LYRM1: variants seen among roughly 807,000 people sequenced by gnomAD.
LYRM1 encodes the protein LYR motif containing 1.
In LYRM1, 14 loss-of-function variants were observed where a neutral mutation model predicts 14.9. The observed-to-expected ratio is 0.94, with a 90% CI of 0.62 to 1.47. The LOEUF (loss-of-function observed/expected upper bound fraction) is 1.47, where lower values mean the gene tolerates loss of function less well. LYRM1 is among the 40% of genes most tolerant of loss of function. The probability of loss-of-function intolerance (pLI) is 0.00; values close to 1 mark genes in which losing one functional copy is unlikely to be tolerated. For missense variants in LYRM1, 153 were observed against 149.9 expected, an observed-to-expected ratio of 1.02 and a Z score of -0.11; for synonymous variants, 43 against 56.2, an observed-to-expected ratio of 0.77 and a Z score of 1.05.
chr16:20,903,611 G>A (rs2082171276), intron 1 of LYRM1, among the ~76,000 whole-genome samples: 3 of 152,174 alleles, frequency 2.0e-5, no homozygotes, highest in Admixed American at 2.0e-4. Context: ...GAACTCGAGG[G>A]TACTATGTAG....
intron 2 of LYRM1, among the ~76,000 whole-genome samples, chr16:20,916,044 G>A (rs973928555): frequency 1.4e-4 from 21 of 149,796 alleles, no homozygotes; most frequent in African/African-American, 4.4e-4. Flanking sequence ...CACTCCCATA[G>A]GAGGTGTGCA....
At chr16:20,903,633 T>C (rs942986881) in intron 1 of LYRM1, among the ~76,000 whole-genome samples, 1 of 152,160 alleles carries the variant, frequency 6.6e-6, no homozygotes, top group Non-Finnish European at 1.5e-5. Flanking sequence ...CTAGTCATTC[T>C]CCGCATGTGA....
intron 3 of LYRM1, 24 bp downstream of exon 3, chr16:20,920,238 G>A: frequency 6.5e-7 from 1 of 1,529,624 alleles, no homozygotes; most frequent in Non-Finnish European, 9.1e-7. Flanking sequence ...CGGTTAACAA[G>A]TGCTGGGTAC....
chr16:20,905,859 TC>T (rs1271120240), intron 1 of LYRM1, among the ~76,000 whole-genome samples: 3 of 152,188 alleles, frequency 2.0e-5, no homozygotes, highest in African/African-American at 7.2e-5. Context: ...CTTGAAAGCA[TC>T]CTAGTAAGGG....
In LYRM1 at chr16:20,921,121, C is replaced by T. The variant is rs151102062; in HGVS notation, c.252+907C>T. On this transcript the variant is annotated intron_variant, in intron 3 of 3. Coordinates refer to ENST00000567954, the MANE Select transcript of LYRM1 (RefSeq NM_001128302.3). The stretch of plus-strand genomic sequence containing the variant: ...TATTTATTTGTGGAGACTGAGTCTT[C>T]GCTTCATCACCCAAGCTAGGTACAG... Among the ~76,000 whole-genome samples, 1,407 of 152,030 alleles carry T rather than the reference C, an allele frequency of 9.3e-3. 10 individuals are homozygous for T. The highest frequency in any genetic ancestry group is 0.015 in the Non-Finnish European group (998 of 68,006).
upstream of LYRM1, chr16:20,900,055 C>G (rs570854553): frequency 6.6e-6 from 1 of 152,292 alleles, no homozygotes; most frequent in Non-Finnish European, 1.5e-5. Flanking sequence ...CCCTCACAGC[C>G]TCTTCTTTCA....
At position 20,920,110 on chromosome 16, in the gene LYRM1, C is replaced by T. The variant is rs1242428167; in HGVS notation, c.160-12C>T. 1.9e-6 allele frequency: 3 copies of T among 1,589,184 alleles called. No homozygotes were observed. Among genetic ancestry groups the T allele is most frequent in the Non-Finnish European group, 2.6e-6 (3 of 1,158,552 alleles). On this transcript the variant is annotated splice_polypyrimidine_tract_variant and intron_variant, in intron 2 of 3. Coordinates refer to ENST00000567954, the MANE Select transcript of LYRM1 (RefSeq NM_001128302.3). ...GATACTATCAGCCTCATTTCTTTCTCCCTTTTAATAGCTCACGGACACAGA... is the reference window on the plus strand; with the variant it reads ...GATACTATCAGCCTCATTTCTTTCTTCCTTTTAATAGCTCACGGACACAGA...
At chr16:20,905,515 A>G (rs1048482078) in intron 1 of LYRM1, among the ~76,000 whole-genome samples, 2 of 152,196 alleles carry the variant, frequency 1.3e-5, no homozygotes, top group African/African-American at 4.8e-5. Context: ...AGAGCATTTC[A>G]ATTCTGTAGA....
chr16:20,920,124 C>G lies in LYRM1; in HGVS notation c.162C>G (p.Leu54=), dbSNP rs979224784. 6 of 1,608,062 alleles carry G rather than the reference C, an allele frequency of 3.7e-6. No homozygotes were observed. Among genetic ancestry groups the G allele is most frequent in the Non-Finnish European group, 5.1e-6 (6 of 1,174,936 alleles). ...CATTTCTTTCTCCCTTTTAATAGCT[C>G]ACGGACACAGACCTAATTAAACAGT... ...ARTLFRKNKN[L]TDTDLIKQCI... The change falls in exon 3 of 4, where the codon CTC becomes CTG. Residue 54 remains leucine (L), a splice_region_variant and synonymous_variant. Transcript: ENST00000567954.
At position 20,920,355 on chromosome 16, in the gene LYRM1, T is replaced by C. The variant is rs532459510; in HGVS notation, c.252+141T>C. 326 of 701,360 alleles carry C rather than the reference T, an allele frequency of 4.6e-4. 2 individuals carry two copies. In the African/African-American group the frequency reaches 5.1e-3, roughly 11 times the overall value. 43.4% of individuals were successfully genotyped at this position (701,360 alleles called of 1,614,324 possible). A position where few individuals can be genotyped will look rare whatever the true frequency, so the allele number is the denominator to read the frequency against. On this transcript the variant is annotated intron_variant, in intron 3 of 3. Transcript: ENST00000567954. ...AGGCATGTTGGAAATAAGCTATCAT[T>C]GCATGCTGCCAGCCCATCACAACAA...
chr16:20,923,794 C>G (rs1170646205), intron 3 of LYRM1, among the ~76,000 whole-genome samples: 1 of 152,122 alleles, frequency 6.6e-6, no homozygotes, highest in Non-Finnish European at 1.5e-5. Flanking sequence ...TTTTTAACTT[C>G]TCTGAGGTTT....
chr16:20,920,255 T>G, intron 3 of LYRM1, 41 bp downstream of exon 3: 1 of 1,384,838 alleles, frequency 7.2e-7, no homozygotes, highest in Non-Finnish European at 1.0e-6. Flanking sequence ...GTACTTACCC[T>G]CATCAACCTG....
At chr16:20,906,060 G>A (rs755749171) in intron 1 of LYRM1, among the ~76,000 whole-genome samples, 8 of 152,182 alleles carry the variant, frequency 5.3e-5, no homozygotes, top group Non-Finnish European at 7.4e-5. Flanking sequence ...GTACAAGACA[G>A]TCCCAAATCT....
At chr16:20,917,970 T>C (rs2152550898) in intron 2 of LYRM1, among the ~76,000 whole-genome samples, 1 of 152,080 alleles carries the variant, frequency 6.6e-6, no homozygotes, top group East Asian at 1.9e-4. Context: ...TGAGCAGCTA[T>C]AAATACTTTG....
chr16:20,911,113 T>G (rs986482845), intron 1 of LYRM1: 1 of 152,228 alleles, frequency 6.6e-6, no homozygotes, highest in African/African-American at 2.4e-5. Context: ...TAAGCATTTT[T>G]TTCTGTGCAG....
At chr16:20,912,263 T>G (rs1402021896) in intron 1 of LYRM1, among the ~76,000 whole-genome samples, 1 of 141,546 alleles carries the variant, frequency 7.1e-6, no homozygotes, top group Non-Finnish European at 1.5e-5. Flanking sequence ...TTTGTTGGTA[T>G]TTTTGGGTTT....
In LYRM1 at chr16:20,920,153, TAGATGAATGCACAGCCAGGATTGAA is replaced by T. The variant is rs2083112606; in HGVS notation, c.193_217del (p.Asp65LeufsTer34). On this transcript the variant is annotated frameshift_variant, in exon 3 of 4. Coordinates refer to ENST00000567954, the MANE Select transcript of LYRM1 (RefSeq NM_001128302.3). LOFTEE classifies it high-confidence loss of function. ...GACACAGACCTAATTAAACAGTGTA[TAGATGAATGCACAGCCAGGATTGAA>T]ATTGGACTGCATTACAAGATTCCTT... 1 of 1,613,884 alleles carries T rather than the reference TAGATGAATGCACAGCCAGGATTGAA, an allele frequency of 6.2e-7. No homozygotes were observed. Among genetic ancestry groups the T allele is most frequent in the South Asian group, 1.1e-5 (1 of 91,090 alleles).
intron 1 of LYRM1, among the ~76,000 whole-genome samples, chr16:20,911,879 T>A (rs2082610996): frequency 6.6e-6 from 1 of 152,030 alleles, no homozygotes; most frequent in Non-Finnish European, 1.5e-5. Context: ...ATTATAGGAA[T>A]GAGCCACTGG....
rs115230816 is a variant in LYRM1, at chr16:20,923,855, T to C, written c.253-145T>C. On this transcript the variant is annotated intron_variant, in intron 3 of 3. Coordinates refer to ENST00000567954, the MANE Select transcript of LYRM1 (RefSeq NM_001128302.3). ...ATAATAATCCCTTATGAGGTTGTTG[T>C]AGGATTAACTTGTGTAAAGATTAAT... 1,857 of 539,342 alleles carry C rather than the reference T, an allele frequency of 3.4e-3. 40 individuals carry two copies. The highest frequency in any genetic ancestry group is 0.032 in the African/African-American group (1,668 of 52,230). The allele number at this position is 539,342 out of a possible 1,614,324, so 33.4% of individuals were successfully genotyped here. A position where few individuals can be genotyped will look rare whatever the true frequency, so the allele number is the denominator to read the frequency against.
Sources: allele counts gnomAD v4.1 joint callset (sites outside exome capture counted in the v4.1 genomes callset), GRCh38; gene constraint gnomAD v4.1.1; transcripts MANE v1.5; gene names NCBI Gene and HGNC (gene_info 2026-07-23, HGNC 2026-07-21).